LIN9: variants seen among roughly 807,000 people sequenced by gnomAD.
LIN9 encodes lin-9 DREAM MuvB core complex component, also known as protein lin-9 homolog.
LIN9 carries 18 observed loss-of-function variants against 78.0 expected under a neutral mutation model. The observed-to-expected ratio is 0.23, with a 90% CI of 0.16 to 0.34. The LOEUF is 0.34. LIN9 is among the 10% of genes least tolerant of loss of function. The pLI is 1.00. For missense variants in LIN9, 451 were observed against 644.1 expected (o/e 0.70, Z 3.25); for synonymous variants, 192 against 215.2 (o/e 0.89, Z 0.94).
chr1:226,287,561 A>G, intron 5 of LIN9, 103 bp downstream of exon 5: 1 of 708,050 alleles, frequency 1.4e-6, no homozygotes, highest in Non-Finnish European at 2.2e-6. Context: ...TTAGAGAAAA[A>G]TAAGATCAAA....
At chr1:226,307,264 A>C (rs1311228758) in intron 1 of LIN9, among the ~76,000 whole-genome samples, 1 of 152,218 alleles carries the variant, frequency 6.6e-6, no homozygotes. Flanking sequence ...TAAAGATACC[A>C]AGGATGATGA....
rs1553283377 is a variant in LIN9, at chr1:226,289,836, G to GA, written c.265-2040_265-2039insT. On this transcript the variant is annotated intron_variant, in intron 4 of 14. Transcript: ENST00000681046. The stretch of plus-strand genomic sequence containing the variant: ...ACTAGGACAACTAAGTAGTCCTCCG[G>GA]GGGGGGGGGTGGGGGGGGGTGGGAA... 8.9e-3 allele frequency among the ~76,000 whole-genome samples: 290 copies of GA among 32,484 alleles called. 25 individuals are homozygous for GA. The East Asian group carries it at 0.11, about 12-fold the overall frequency. 21.3% of individuals were successfully genotyped at this position (32,484 alleles called of 152,430 possible). A position where few individuals can be genotyped will look rare whatever the true frequency, so the allele number is the denominator to read the frequency against.
At chr1:226,242,103 A>T (rs1244809347) in intron 11 of LIN9, among the ~76,000 whole-genome samples, 1 of 152,232 alleles carries the variant, frequency 6.6e-6, no homozygotes, top group Non-Finnish European at 1.5e-5. Context: ...ATATAGAAGA[A>T]TAAATGTACA....
At chr1:226,278,752 G>C (rs1660829386) in intron 6 of LIN9, among the ~76,000 whole-genome samples, 1 of 150,964 alleles carries the variant, frequency 6.6e-6, no homozygotes, top group Non-Finnish European at 1.5e-5. Context: ...TGAACCCAGA[G>C]GGCAGAGGCT....
At chr1:226,252,228 C>G (rs1658876856) in intron 10 of LIN9, among the ~76,000 whole-genome samples, 1 of 151,720 alleles carries the variant, frequency 6.6e-6, no homozygotes, top group East Asian at 1.9e-4. Context: ...ATGCAGTGAA[C>G]TGAAATCATG....
intron 12 of LIN9, among the ~76,000 whole-genome samples, chr1:226,235,097 C>A (rs903934660): frequency 6.6e-6 from 1 of 151,428 alleles, no homozygotes; most frequent in African/African-American, 2.4e-5. Context: ...CTTTGGGAGG[C>A]CGAGGTGGGT....
At chr1:226,233,248 A>G in intron 13 of LIN9, 55 bp from the exon 14 acceptor site, 1 of 1,525,500 alleles carries the variant, frequency 6.6e-7, no homozygotes, top group Non-Finnish European at 9.0e-7. Flanking sequence ...ATATAGTCAT[A>G]AAATACCTGA....
chr1:226,290,162 T>C (rs1159559648), intron 4 of LIN9, among the ~76,000 whole-genome samples: 1 of 152,020 alleles, frequency 6.6e-6, no homozygotes, highest in Non-Finnish European at 1.5e-5. Flanking sequence ...ATTTTTAATA[T>C]ATACAAAATT....
At chr1:226,259,198 G>C (rs977428452) in intron 10 of LIN9, among the ~76,000 whole-genome samples, 3 of 151,998 alleles carry the variant, frequency 2.0e-5, no homozygotes, top group Admixed American at 6.6e-5. Flanking sequence ...GACCTCAAGT[G>C]ATCTGCCCGC....
intron 6 of LIN9, among the ~76,000 whole-genome samples, chr1:226,281,807 C>CTGGGACTCAGGCTCAGG (rs1271992614): frequency 6.6e-5 from 10 of 151,732 alleles, no homozygotes; most frequent in Non-Finnish European, 1.5e-4. Context: ...AATTCTCCTG[C>CTGGGACTCAGGCTCAGG]CTCAGCCCCC....
intron 7 of LIN9, among the ~76,000 whole-genome samples, chr1:226,275,896 C>T (rs1286306489): frequency 2.0e-5 from 3 of 151,682 alleles, no homozygotes; most frequent in Non-Finnish European, 2.9e-5. Flanking sequence ...GGCGTGGTGG[C>T]GGGTGCCGGT....
At chr1:226,309,255 G>A (rs1331786320), upstream of LIN9, 1 of 1,252,464 alleles carries the variant, frequency 8.0e-7, no homozygotes. Context: ...GCGCCGCGCT[G>A]CGCTGCTCCC....
In LIN9 at chr1:226,265,605, C is replaced by T. The variant is rs368907119; in HGVS notation, c.966G>A (p.Pro322=). ...IDNDPLLGQS[P]WRSKISGSDT... The stretch of plus-strand genomic sequence containing the variant: ...CAGAGCCAGAAATTTTACTTCTCCA[C>T]GGCGACTGTCCTAATAAAGGATCAT... Residue 322 remains proline, a synonymous_variant, in exon 10 of 15, where the codon CCG becomes CCA. Transcript: ENST00000681046. The surrounding 1 kb of genome is among the most constrained non-coding windows in gnomAD (Gnocchi z 4.1). 2.4e-5 allele frequency: 39 copies of T among 1,607,536 alleles called. No homozygotes were observed. Among genetic ancestry groups the T allele is most frequent in the Middle Eastern group, 1.6e-4 (1 of 6,072 alleles).
At chr1:226,301,124 C>T (rs768603937) in intron 2 of LIN9, 49 bp downstream of exon 2, 14 of 1,400,006 alleles carry the variant, frequency 1.0e-5, no homozygotes, top group Non-Finnish European at 1.3e-5. Context: ...ATTAATTTAA[C>T]AAATTAGACT....
At chr1:226,306,529 A>C (rs937672693) in intron 1 of LIN9, among the ~76,000 whole-genome samples, 2 of 152,206 alleles carry the variant, frequency 1.3e-5, no homozygotes, top group African/African-American at 4.8e-5. Context: ...AGAGATATCA[A>C]GAAAGGGAGC....
At chr1:226,240,449 C>T (rs969180190) in intron 11 of LIN9, among the ~76,000 whole-genome samples, 8 of 149,486 alleles carry the variant, frequency 5.4e-5, no homozygotes, top group East Asian at 2.0e-4. Flanking sequence ...AGTGCAATGA[C>T]GTGATCTCCG....
chr1:226,247,922 C>T (rs1658592379), intron 11 of LIN9, among the ~76,000 whole-genome samples: 1 of 152,142 alleles, frequency 6.6e-6, no homozygotes, highest in Non-Finnish European at 1.5e-5. Flanking sequence ...GATCCACTCG[C>T]CTTGGCCTCC....
intron 6 of LIN9, among the ~76,000 whole-genome samples, chr1:226,284,194 T>C (rs1661257525): frequency 1.3e-5 from 2 of 152,124 alleles, no homozygotes; most frequent in Admixed American, 6.6e-5. Flanking sequence ...GAGTCAACCA[T>C]TGCAACTATT....
intron 7 of LIN9, among the ~76,000 whole-genome samples, chr1:226,269,077 T>TA (rs765092406): frequency 9.6e-4 from 146 of 152,162 alleles, no homozygotes; most frequent in Middle Eastern, 3.4e-3. Flanking sequence ...CCAGCATGAG[T>TA]AAAAAATTTA....
Sources: gnomAD v4.1 joint callset for allele counts (sites outside exome capture counted in the v4.1 genomes callset) on GRCh38, gnomAD v4.1.1 for gene constraint, Gnocchi (gnomAD v3.1) non-coding constraint, MANE v1.5 for transcripts, NCBI Gene and HGNC (gene_info 2026-07-23, HGNC 2026-07-21) for gene names.